KRABD2: variants seen among roughly 807,000 people sequenced by gnomAD.
KRABD2 encodes the protein KRAB domain containing 2.
chr17:8,366,133 A>AC, the KRABD2 span, among the ~76,000 whole-genome samples: 28 of 151,754 alleles, frequency 1.8e-4, no homozygotes, highest in African/African-American at 6.8e-4. Context: ...CATCTCAAAA[A>AC]AAAAATAATA....
At chr17:8,361,585 G>A in the KRABD2 span, among the ~76,000 whole-genome samples, 2 of 152,200 alleles carry the variant, frequency 1.3e-5, no homozygotes, top group African/African-American at 4.8e-5. Flanking sequence ...AGGAACCACT[G>A]CAGATTTCTT....
At chr17:8,375,800 T>G in the KRABD2 span, 7 of 815,202 alleles carry the variant, frequency 8.6e-6, no homozygotes, top group African/African-American at 7.2e-5. Flanking sequence ...CGTAAATCAA[T>G]CAGCTTCTTG....
the KRABD2 span, among the ~76,000 whole-genome samples, chr17:8,368,036 T>C: frequency 6.7e-6 from 1 of 150,220 alleles, no homozygotes; most frequent in African/African-American, 2.5e-5. Flanking sequence ...GCCAATCCCT[T>C]GGGCCCAGGA....
chr17:8,371,284 A>C, the KRABD2 span: 1 of 1,538,020 alleles, frequency 6.5e-7, no homozygotes, highest in East Asian at 2.3e-5. Context: ...CACAAGATTA[A>C]TAAAGGAAGA....
the KRABD2 span, chr17:8,369,880 G>A: frequency 1.9e-6 from 3 of 1,614,150 alleles, no homozygotes; most frequent in Non-Finnish European, 2.5e-6. Context: ...CCTCTCTTGG[G>A]TACTGGGTTC....
chr17:8,373,055 ATT>A, the KRABD2 span, among the ~76,000 whole-genome samples: 1 of 152,178 alleles, frequency 6.6e-6, no homozygotes, highest in Non-Finnish European at 1.5e-5. Flanking sequence ...TAATAGACCT[ATT>A]TTGGTTGGTC....
the KRABD2 span, chr17:8,370,353 C>A: frequency 2.5e-6 from 4 of 1,593,862 alleles, no homozygotes; most frequent in Non-Finnish European, 3.4e-6. Flanking sequence ...ATTTCCAGCT[C>A]TCTGAGGCAT....
the KRABD2 span, chr17:8,376,174 G>A: frequency 8.1e-7 from 1 of 1,231,638 alleles, no homozygotes; most frequent in Non-Finnish European, 1.0e-6. Context: ...ACAGAGCTGA[G>A]CACAAAAGAT....
the KRABD2 span, chr17:8,365,708 G>A: frequency 2.6e-5 from 4 of 152,250 alleles, no homozygotes; most frequent in African/African-American, 9.7e-5. Flanking sequence ...GGTCTCTCAG[G>A]ACAATCCTGT....
the KRABD2 span, chr17:8,376,630 C>T: frequency 2.0e-6 from 2 of 985,772 alleles, no homozygotes; most frequent in Non-Finnish European, 2.4e-6. Flanking sequence ...TGAGGAAGGT[C>T]AGGAAGGAGA....
At chr17:8,364,549 C>T in the KRABD2 span, among the ~76,000 whole-genome samples, 1 of 152,088 alleles carries the variant, frequency 6.6e-6, no homozygotes, top group Non-Finnish European at 1.5e-5. The surrounding 1 kb of genome is among the most constrained non-coding windows in gnomAD (Gnocchi z 4.4). Context: ...GCCACAGAAA[C>T]GAATATGCAT....
chr17:8,363,710 G>A, the KRABD2 span, among the ~76,000 whole-genome samples: 1,306 of 150,590 alleles, frequency 8.7e-3, 10 homozygotes, highest in Non-Finnish European at 0.013. Context: ...GTAGCCAGAT[G>A]TATTAATATT....
At chr17:8,360,874 C>A in the KRABD2 span, among the ~76,000 whole-genome samples, 1 of 152,120 alleles carries the variant, frequency 6.6e-6, no homozygotes, top group African/African-American at 2.4e-5. Context: ...TGAACCTAAC[C>A]TTGGCAAACC....
chr17:8,374,469 C>G, the KRABD2 span, among the ~76,000 whole-genome samples: 7 of 151,880 alleles, frequency 4.6e-5, no homozygotes, highest in Non-Finnish European at 5.9e-5. Flanking sequence ...TCTCAAGTAC[C>G]CAGGGACACA....
the KRABD2 span, among the ~76,000 whole-genome samples, chr17:8,365,320 T>C: frequency 3.3e-5 from 5 of 152,126 alleles, no homozygotes; most frequent in Non-Finnish European, 2.9e-5. Context: ...GTTCCCGGTA[T>C]GCCAAGTAAC....
the KRABD2 span, among the ~76,000 whole-genome samples, chr17:8,364,412 A>G: frequency 6.6e-6 from 1 of 151,838 alleles, no homozygotes; most frequent in African/African-American, 2.4e-5. This position sits in a 1 kb window ranked among gnomAD's most constrained non-coding sequence, Gnocchi z 4.4. Flanking sequence ...CAGTGTGGTG[A>G]TACGATCATG....
chr17:8,367,650 G>A, the KRABD2 span, among the ~76,000 whole-genome samples: 7 of 145,192 alleles, frequency 4.8e-5, no homozygotes, highest in African/African-American at 7.6e-5. Flanking sequence ...GTGACAGAGC[G>A]AGACCCTGTC....
At chr17:8,376,406 G>T in the KRABD2 span, 1 of 1,123,922 alleles carries the variant, frequency 8.9e-7, no homozygotes, top group Non-Finnish European at 1.1e-6. Context: ...TGATAATGCA[G>T]ATAAGGCACT....
chr17:8,375,759 C>G, the KRABD2 span: 2 of 360,302 alleles, frequency 5.6e-6, no homozygotes, highest in Non-Finnish European at 7.9e-6. Flanking sequence ...GCTTCAGTAT[C>G]TTTTCCAAAG....
Sources: allele counts gnomAD v4.1 joint callset (sites outside exome capture counted in the v4.1 genomes callset), GRCh38; gene constraint gnomAD v4.1.1; non-coding constraint Gnocchi (gnomAD v3.1); transcripts MANE v1.5; gene names NCBI Gene and HGNC (gene_info 2026-07-23, HGNC 2026-07-21).